Variants in GCA observed in about 807,000 individuals in gnomAD.
GCA encodes the protein grancalcin.
In GCA, 30 loss-of-function variants were observed where a neutral mutation model predicts 32.6. That is an observed-to-expected ratio of 0.92 (90% confidence interval 0.69 to 1.25). The LOEUF is 1.25. Ranked by LOEUF, GCA falls within the 50% of genes most tolerant of loss-of-function variation. The pLI, the probability that GCA is intolerant of heterozygous loss-of-function variation, is 0.00. For synonymous variants in GCA, 102 were observed against 84.6 expected (o/e 1.21, Z -1.13); for missense variants, 291 against 266.8 (o/e 1.09, Z -0.63).
At chr2:162,321,685 AGT>A (rs1176214639) in intron 1 of GCA, among the ~76,000 whole-genome samples, 1 of 151,796 alleles carries the variant, frequency 6.6e-6, no homozygotes, top group Non-Finnish European at 1.5e-5. Context: ...CAAATACATC[AGT>A]TGTAAAATGG....
intron 1 of GCA, among the ~76,000 whole-genome samples, chr2:162,331,797 G>A (rs1382939163): frequency 6.6e-6 from 1 of 152,128 alleles, no homozygotes; most frequent in Non-Finnish European, 1.5e-5. Context: ...TAGCTTGCTG[G>A]CCTGAGCAGG....
intron 3 of GCA, among the ~76,000 whole-genome samples, chr2:162,353,300 T>G (rs1251727133): frequency 6.6e-6 from 1 of 152,086 alleles, no homozygotes; most frequent in Non-Finnish European, 1.5e-5. Context: ...AAACCCCGTC[T>G]CTACTAAAAA....
downstream of GCA, among the ~76,000 whole-genome samples, chr2:162,365,688 C>A (rs1043887215): frequency 2.6e-5 from 4 of 151,564 alleles, no homozygotes; most frequent in African/African-American, 9.7e-5. Context: ...TGGTGTAATA[C>A]ATTTTCCCAT....
Position 162,360,464 on chromosome 2 carries a change from T to C in GCA, c.*221T>C, listed in dbSNP as rs1685520486. The C allele has an allele frequency of 3.0e-6, 3 of 1,011,800 alleles. No homozygotes were observed. The highest frequency in any genetic ancestry group is 6.4e-5 in the East Asian group (2 of 31,458). 62.7% of individuals were successfully genotyped at this position (1,011,800 alleles called of 1,614,324 possible). A position where few individuals can be genotyped will look rare whatever the true frequency, so the allele number is the denominator to read the frequency against. ...TTTTGGAAAAGTTATTTTATAAATA[T>C]GTGCATATTGTCATAAAATATTGTA... is the stretch of plus-strand genomic sequence containing the variant. On this transcript the variant is annotated 3_prime_UTR_variant, in exon 8 of 8. Transcript: ENST00000437150.
chr2:162,359,611 A>G (rs1443261681), intron 7 of GCA, 59 bp downstream of exon 7: 16 of 804,818 alleles, frequency 2.0e-5, no homozygotes, highest in Non-Finnish European at 3.2e-5. Context: ...GTTAGTAAAA[A>G]AATTTAAGTG....
intron 1 of GCA, among the ~76,000 whole-genome samples, 192 bp from the exon 2 acceptor site, chr2:162,347,386 T>A (rs1465892768): frequency 6.6e-6 from 1 of 152,014 alleles, no homozygotes; most frequent in Non-Finnish European, 1.5e-5. Context: ...CTGGGTAATA[T>A]ATGTTGATGA....
At chr2:162,349,566 G>T (rs1684886984) in intron 2 of GCA, among the ~76,000 whole-genome samples, 1 of 152,052 alleles carries the variant, frequency 6.6e-6, no homozygotes, top group Non-Finnish European at 1.5e-5. Flanking sequence ...AATTTGGGGG[G>T]AAAGTTGAAA....
intron 1 of GCA, among the ~76,000 whole-genome samples, chr2:162,331,317 G>A (rs1238023954): frequency 1.3e-5 from 2 of 152,200 alleles, no homozygotes; most frequent in African/African-American, 4.8e-5. Flanking sequence ...AGGGCCACAA[G>A]TATTGATTAT....
chr2:162,349,293 G>A (rs1036821815), intron 2 of GCA, among the ~76,000 whole-genome samples: 4 of 151,842 alleles, frequency 2.6e-5, no homozygotes, highest in East Asian at 3.9e-4. Flanking sequence ...CCATATAGTA[G>A]CATGAATTCC....
intron 1 of GCA, among the ~76,000 whole-genome samples, chr2:162,319,906 T>C (rs1373806525): frequency 6.6e-6 from 1 of 152,152 alleles, no homozygotes; most frequent in Non-Finnish European, 1.5e-5. Flanking sequence ...AAGTACAGAG[T>C]CTTGGTGAGT....
chr2:162,355,230 A>T (rs551029579), intron 3 of GCA, among the ~76,000 whole-genome samples: 16 of 152,250 alleles, frequency 1.1e-4, no homozygotes, highest in African/African-American at 3.4e-4. Context: ...ATGTGAAATC[A>T]TGTAACACAC....
downstream of GCA, chr2:162,371,843 G>T (rs1402886271): frequency 6.2e-7 from 1 of 1,608,688 alleles, no homozygotes; most frequent in East Asian, 2.2e-5. Flanking sequence ...TTCCCTGGAA[G>T]ACCAGGATCA....
In GCA at chr2:162,356,404, A is replaced by G. The variant is rs756134328; in HGVS notation, c.263-34A>G. 2.4e-6 allele frequency: 3 copies of G among 1,266,364 alleles called. No homozygotes were observed. In the African/African-American group the frequency reaches 4.4e-5, roughly 19 times the overall value. 78.4% of individuals were successfully genotyped at this position (1,266,364 alleles called of 1,614,324 possible). On this transcript the variant is annotated intron_variant, in intron 3 of 7. Coordinates refer to ENST00000437150, the MANE Select transcript of GCA (RefSeq NM_012198.5). ...TAATTTTACATAGATAAAGTTGGGC[A>G]TACTCTAATTTAAATATTGAATATG... is the stretch of plus-strand genomic sequence containing the variant.
intron 3 of GCA, among the ~76,000 whole-genome samples, chr2:162,353,068 G>A (rs903962916): frequency 3.9e-5 from 6 of 152,028 alleles, no homozygotes; most frequent in African/African-American, 1.2e-4. Context: ...TGGTTTCCCC[G>A]TTTCTCTTGA....
downstream of GCA, chr2:162,373,665 A>T: frequency 6.8e-7 from 1 of 1,463,070 alleles, no homozygotes; most frequent in Non-Finnish European, 9.1e-7. Flanking sequence ...ATTCAAGCCT[A>T]CAGAACAGAC....
chr2:162,322,939 G>A (rs1683736939), intron 1 of GCA, among the ~76,000 whole-genome samples: 1 of 151,748 alleles, frequency 6.6e-6, no homozygotes, highest in Admixed American at 6.6e-5. Flanking sequence ...GGGATGGCTG[G>A]GTCAAATGGT....
chr2:162,335,414 C>CAA (rs573005587), intron 1 of GCA, among the ~76,000 whole-genome samples: 1,857 of 58,166 alleles, frequency 0.032, 67 homozygotes, highest in African/African-American at 0.097. Flanking sequence ...GACTCTGTCT[C>CAA]AAAAAAAAAA....
At chr2:162,372,406 T>C (rs1685986081), downstream of GCA, among the ~76,000 whole-genome samples, 1 of 152,008 alleles carries the variant, frequency 6.6e-6, no homozygotes, top group Admixed American at 6.6e-5. Flanking sequence ...TTAAGACAAA[T>C]TGGGATGAGG....
chr2:162,340,245 T>C (rs75587994), upstream of GCA, among the ~76,000 whole-genome samples: 3,340 of 152,236 alleles, frequency 0.022, 127 homozygotes, highest in African/African-American at 0.076. Context: ...GGCAACCTCT[T>C]AGATAAACAG....
Sources: gnomAD v4.1 joint callset for allele counts (sites outside exome capture counted in the v4.1 genomes callset) on GRCh38, gnomAD v4.1.1 for gene constraint, MANE v1.5 for transcripts, NCBI Gene and HGNC (gene_info 2026-07-23, HGNC 2026-07-21) for gene names.